The following BACE2 variants were observed in gnomAD, a reference collection of about 807,000 sequenced individuals.
BACE2 encodes the protein beta-secretase 2.
In BACE2, 17 loss-of-function variants were observed where a neutral mutation model predicts 46.2. The ratio of observed to expected loss-of-function variants is 0.37; its 90% CI spans 0.25 to 0.55. The LOEUF (loss-of-function observed/expected upper bound fraction) is 0.55. BACE2 is among the 20% of genes least tolerant of loss of function. BACE2 has a pLI of 0.82. For synonymous variants in BACE2, 277 were observed against 295.9 expected (o/e 0.94, Z 0.66); for missense variants, 595 against 698.1 (o/e 0.85, Z 1.66).
intron 1 of BACE2, chr21:41,183,013 C>T (rs1985197909): frequency 6.0e-6 from 1 of 166,476 alleles, no homozygotes; most frequent in South Asian, 2.1e-4. Flanking sequence ...ATTTCTTTAG[C>T]ACATTTTATG....
chr21:41,211,300 G>A (rs78112539), intron 1 of BACE2, among the ~76,000 whole-genome samples: 2,934 of 151,970 alleles, frequency 0.019, 36 homozygotes, highest in Middle Eastern at 0.041. Context: ...ATAGTGAAAT[G>A]GCTCACACTC....
chr21:41,257,220 C>T lies in BACE2; in HGVS notation c.1197C>T (p.Ser399=), dbSNP rs1987811622. 6.2e-7 allele frequency: 1 copy of T among 1,614,156 alleles called. No individual in the cohort carries two copies. Among genetic ancestry groups the T allele is most frequent in the South Asian group, 1.1e-5 (1 of 91,078 alleles). The change falls in exon 8 of 9, where the codon TCC becomes TCT. Residue 399 remains serine, a synonymous_variant. Transcript: ENST00000330333. ...LNYECYRFGI[S]PSTNALVIGA... ...ATGAATGTTACCGATTCGGCATTTC[C>T]CCATCCACAAATGCGCTGGTGATCG... is the stretch of plus-strand genomic sequence containing the variant.
chr21:41,185,622 AC>A (rs1985342494), intron 1 of BACE2, among the ~76,000 whole-genome samples: 1 of 152,242 alleles, frequency 6.6e-6, no homozygotes, highest in South Asian at 2.1e-4. Flanking sequence ...AAGGGGTATA[AC>A]CCACAATCCT....
At chr21:41,211,217 G>A (rs1279966847) in intron 1 of BACE2, among the ~76,000 whole-genome samples, 2 of 145,508 alleles carry the variant, frequency 1.4e-5, no homozygotes, top group Admixed American at 1.4e-4. Context: ...TGGCAGCTGT[G>A]GTTTTCCCAA....
At chr21:41,272,843 G>T (rs1452016356) in intron 8 of BACE2, among the ~76,000 whole-genome samples, 1 of 152,136 alleles carries the variant, frequency 6.6e-6, no homozygotes, top group East Asian at 1.9e-4. Flanking sequence ...TAGTGCTGTA[G>T]AATCAATGTT....
chr21:41,191,550 T>A (rs1412707542), intron 1 of BACE2, among the ~76,000 whole-genome samples: 2 of 152,200 alleles, frequency 1.3e-5, no homozygotes, highest in Admixed American at 6.5e-5. Flanking sequence ...ATAATCAACC[T>A]GCTACCAGGT....
At chr21:41,257,374 T>G in intron 8 of BACE2, 48 bp downstream of exon 8, 1 of 1,594,564 alleles carries the variant, frequency 6.3e-7, no homozygotes, top group Non-Finnish European at 8.6e-7. Flanking sequence ...GAGTCCTTTA[T>G]GTAAATGTGC....
chr21:41,250,298 C>T (rs1346205918), intron 6 of BACE2, among the ~76,000 whole-genome samples: 1 of 152,196 alleles, frequency 6.6e-6, no homozygotes, highest in East Asian at 1.9e-4. Context: ...CAGGAGGCAA[C>T]TTGCTGGGCT....
chr21:41,249,560 C>T (rs1295126458), intron 6 of BACE2, among the ~76,000 whole-genome samples: 1 of 152,210 alleles, frequency 6.6e-6, no homozygotes, highest in Non-Finnish European at 1.5e-5. Context: ...CTGTCTTCAG[C>T]ACCTGCCATG....
At chr21:41,178,053 G>T (rs1044056573) in intron 1 of BACE2, 9 of 152,250 alleles carry the variant, frequency 5.9e-5, no homozygotes, top group Non-Finnish European at 1.2e-4. Context: ...CCTGTGGGTG[G>T]AGACTGGAAG....
intron 2 of BACE2, among the ~76,000 whole-genome samples, chr21:41,233,958 C>T (rs1000086214): frequency 1.3e-5 from 2 of 152,198 alleles, no homozygotes; most frequent in Non-Finnish European, 2.9e-5. Flanking sequence ...GAGACTCCAT[C>T]TCAGCAACAA....
chr21:41,226,268 A>G lies in BACE2; in HGVS notation c.315A>G (p.Leu105=), dbSNP rs758429022. 8 of 1,612,532 alleles carry G rather than the reference A, an allele frequency of 5.0e-6. No homozygotes were observed. Among genetic ancestry groups the G allele is most frequent in the African/African-American group, 1.3e-5 (1 of 74,816 alleles). ...EMLIGTPPQK[L]QILVDTGSSN... ...TTTTTCTCCTTAAAACATAAAAGCT[A>G]CAGATTCTCGTTGACACTGGAAGCA... The change falls in exon 2 of 9, where the codon CTA becomes CTG. Residue 105 remains leucine, a splice_region_variant and synonymous_variant. Coordinates refer to ENST00000330333, the MANE Select transcript of BACE2 (RefSeq NM_012105.5).
rs1389233469 is a variant in BACE2 at position 41,234,070 on chromosome 21, G to C, written c.402-3443G>C. On this transcript the variant is annotated intron_variant, in intron 2 of 8. Coordinates refer to ENST00000330333, the MANE Select transcript of BACE2 (RefSeq NM_012105.5). ...CCATAATTACCATGTATTGTGGGAGGGACCCAGTGGGAGATAATTGAATCA... is the reference window on the plus strand; with the variant it reads ...CCATAATTACCATGTATTGTGGGAGCGACCCAGTGGGAGATAATTGAATCA... 2.0e-5 allele frequency among the ~76,000 whole-genome samples: 3 copies of C among 152,086 alleles called. No homozygotes were observed. The South Asian group carries it at 6.2e-4, about 32-fold the overall frequency.
intron 2 of BACE2, among the ~76,000 whole-genome samples, chr21:41,229,178 T>G (rs1986905726): frequency 6.6e-6 from 1 of 152,238 alleles, no homozygotes; most frequent in African/African-American, 2.4e-5. Context: ...AGCCCTGTGT[T>G]GTTTCCACTG....
chr21:41,181,881 A>C (rs1985141220), intron 1 of BACE2: 1 of 167,038 alleles, frequency 6.0e-6, no homozygotes, highest in South Asian at 2.1e-4. Flanking sequence ...TGATTCTATG[A>C]TGCTATAATT....
rs570239930 is a variant in BACE2, at chr21:41,181,472, C to T, written c.312+12897C>T. 3.6e-5 allele frequency: 6 copies of T among 167,154 alleles called. No homozygotes were observed. The South Asian group carries it at 1.2e-3, about 35-fold the overall frequency. 10.4% of individuals were successfully genotyped at this position (167,154 alleles called of 1,614,324 possible). A position where few individuals can be genotyped will look rare whatever the true frequency, so the allele number is the denominator to read the frequency against. ...TATGTTCCCATCCGGGAGAAGGTAC[C>T]ATATATGGTCTTTTCACTCACAAAT... On this transcript the variant is annotated intron_variant, in intron 1 of 8. Coordinates refer to ENST00000330333, the MANE Select transcript of BACE2 (RefSeq NM_012105.5).
intron 8 of BACE2, among the ~76,000 whole-genome samples, chr21:41,265,552 A>G (rs1056610047): frequency 3.3e-5 from 5 of 152,076 alleles, no homozygotes; most frequent in Non-Finnish European, 7.4e-5. Context: ...GTCACTTTCT[A>G]TGAGTGAGAT....
chr21:41,248,533 C>T (rs140826454), intron 6 of BACE2, among the ~76,000 whole-genome samples: 54 of 152,352 alleles, frequency 3.5e-4, no homozygotes, highest in African/African-American at 1.3e-3. Context: ...CATCCCACCT[C>T]TTCTGAGCAT....
At chr21:41,243,295 A>G in intron 4 of BACE2, 81 bp from the exon 5 acceptor site, 1 of 1,192,540 alleles carries the variant, frequency 8.4e-7, no homozygotes, top group Admixed American at 2.8e-5. Flanking sequence ...GTTTCTCTTT[A>G]CAAGTGCATG....
Sources: allele counts gnomAD v4.1 joint callset (sites outside exome capture counted in the v4.1 genomes callset), GRCh38; gene constraint gnomAD v4.1.1; transcripts MANE v1.5; gene names NCBI Gene and HGNC (gene_info 2026-07-23, HGNC 2026-07-21).